Variants in AFAP1L2 observed in about 807,000 individuals in gnomAD.
AFAP1L2 encodes actin filament associated protein 1 like 2, also known as actin filament-associated protein 1-like 2.
A neutral mutation model predicts 99.3 loss-of-function variants in AFAP1L2; 46 were observed. The observed-to-expected ratio is 0.46, with a 90% confidence interval of 0.37 to 0.59. The LOEUF (loss-of-function observed/expected upper bound fraction) is 0.59, where lower values mean the gene tolerates loss of function less well. Ranked by LOEUF, AFAP1L2 falls within the 20% of genes least tolerant of loss-of-function variation. The pLI is 0.00. For missense variants in AFAP1L2, 959 were observed against 1,034.9 expected, an observed-to-expected ratio of 0.93 and a Z score of 1.01; for synonymous variants, 397 against 419.1, an observed-to-expected ratio of 0.95 and a Z score of 0.64.
intron 1 of AFAP1L2, among the ~76,000 whole-genome samples, chr10:114,404,042 G>T (rs1168995445): frequency 6.6e-6 from 1 of 152,108 alleles, no homozygotes; most frequent in East Asian, 1.9e-4. Context: ...TCAACAGCCC[G>T]ACCCTTTGCC....
chr10:114,326,044 G>C (rs1380471605), intron 4 of AFAP1L2: 3 of 1,287,880 alleles, frequency 2.3e-6, no homozygotes, highest in Non-Finnish European at 3.0e-6. Flanking sequence ...GGATTCTCTA[G>C]AGTCGAACAG....
chr10:114,290,173 AG>A (rs1453094612), downstream of AFAP1L2: 29 of 1,530,766 alleles, frequency 1.9e-5, no homozygotes, highest in Non-Finnish European at 2.5e-5. Context: ...GGGCTTACTT[AG>A]GGTAGGGGTC....
At chr10:114,320,778 T>TGGCA (rs1200548806) in intron 5 of AFAP1L2, among the ~76,000 whole-genome samples, 3 of 152,208 alleles carry the variant, frequency 2.0e-5, no homozygotes, top group Admixed American at 1.3e-4. Flanking sequence ...CTGGTGCGTC[T>TGGCA]GGCAGGCAGG....
At chr10:114,371,599 G>A (rs1339137137) in intron 1 of AFAP1L2, among the ~76,000 whole-genome samples, 2 of 152,020 alleles carry the variant, frequency 1.3e-5, no homozygotes, top group Non-Finnish European at 2.9e-5. Context: ...CTCATAAGTG[G>A]GAGTTGAACA....
At chr10:114,301,237 C>T (rs2041125359) in intron 13 of AFAP1L2, 117 bp downstream of exon 13, 1 of 821,316 alleles carries the variant, frequency 1.2e-6, no homozygotes, top group African/African-American at 1.7e-5. Context: ...TGGTAGGTGA[C>T]TCAGAACCCA....
At chr10:114,332,752 T>C (rs1370355459) in intron 3 of AFAP1L2, among the ~76,000 whole-genome samples, 2 of 152,236 alleles carry the variant, frequency 1.3e-5, no homozygotes, top group Non-Finnish European at 2.9e-5. Context: ...AGAAAACATA[T>C]GTCCTTCCCA....
chr10:114,388,716 A>C (rs1363205151), intron 1 of AFAP1L2, among the ~76,000 whole-genome samples: 1 of 152,216 alleles, frequency 6.6e-6, no homozygotes, highest in Non-Finnish European at 1.5e-5. Flanking sequence ...GGGCTAATTA[A>C]GGACATCAGC....
Position 114,313,937 on chromosome 10 carries a change from C to G in AFAP1L2, c.726G>C (p.Thr242=), listed in dbSNP as rs3813722. 5.0e-6 allele frequency: 8 copies of G among 1,613,628 alleles called. No individual in the cohort carries two copies. In the Admixed American group the frequency reaches 6.7e-5, roughly 13 times the overall value. ...VRKKEHKLKI[T]PMNADVIVLG... is the part of the protein sequence containing the mutation. ...GCACAATCACATCGGCATTCATCGG[C>G]GTGATCTTCAGCTTGTGCTCCTTCT... Residue 242 remains threonine, a synonymous_variant, in exon 7 of 19, where the codon ACG becomes ACC. Coordinates refer to ENST00000304129, the MANE Select transcript of AFAP1L2 (RefSeq NM_001001936.3).
At position 114,295,489 on chromosome 10, in the gene AFAP1L2, AGAT is replaced by A. The variant is rs2040064198; in HGVS notation, c.*550_*552del. 1.1e-5 allele frequency: 11 copies of A among 965,262 alleles called. No individual in the cohort carries two copies. Among genetic ancestry groups the A allele is most frequent in the Non-Finnish European group, 1.2e-5 (10 of 822,742 alleles). The allele number at this position is 965,262 out of a possible 1,614,324, so 59.8% of individuals were successfully genotyped here. On this transcript the variant is annotated 3_prime_UTR_variant, in exon 19 of 19. Coordinates refer to ENST00000304129, the MANE Select transcript of AFAP1L2 (RefSeq NM_001001936.3). ...AAACTCATGTCATAGATGGTTTTAC[AGAT>A]GATGGTTTTACAGATGATGTCAATG...
chr10:114,343,094 A>C (rs528499637), intron 1 of AFAP1L2, among the ~76,000 whole-genome samples: 3 of 152,368 alleles, frequency 2.0e-5, no homozygotes, highest in Non-Finnish European at 4.4e-5. Flanking sequence ...TCCACTAAAA[A>C]TCCAGGTATC....
intron 2 of AFAP1L2, among the ~76,000 whole-genome samples, chr10:114,335,439 C>T (rs1168821464): frequency 2.6e-5 from 4 of 151,898 alleles, no homozygotes; most frequent in South Asian, 2.1e-4. Context: ...GGTGAAACCC[C>T]ATCTCTACTA....
intron 1 of AFAP1L2, among the ~76,000 whole-genome samples, chr10:114,359,474 G>A (rs990716997): frequency 6.6e-6 from 1 of 152,214 alleles, no homozygotes; most frequent in African/African-American, 2.4e-5. Context: ...AACATCCACA[G>A]ACCAGTACTG....
At chr10:114,343,751 A>T (rs1446007721) in intron 1 of AFAP1L2, among the ~76,000 whole-genome samples, 1 of 152,066 alleles carries the variant, frequency 6.6e-6, no homozygotes, top group African/African-American at 2.4e-5. Flanking sequence ...CTTGACCTTA[A>T]CCAGTAGGGC....
intron 15 of AFAP1L2, among the ~76,000 whole-genome samples, 192 bp from the exon 16 acceptor site, chr10:114,299,607 A>C (rs1489213181): frequency 1.3e-5 from 2 of 152,210 alleles, no homozygotes; most frequent in East Asian, 3.9e-4. Context: ...TGTGATGGTT[A>C]ATATTGAATG....
At chr10:114,342,642 G>A (rs1035404895) in intron 1 of AFAP1L2, among the ~76,000 whole-genome samples, 1 of 152,152 alleles carries the variant, frequency 6.6e-6, no homozygotes, top group South Asian at 2.1e-4. Context: ...ATGGAGGAAG[G>A]GACCATGAGC....
chr10:114,386,212 G>A (rs949360240), intron 1 of AFAP1L2, among the ~76,000 whole-genome samples: 1 of 152,152 alleles, frequency 6.6e-6, no homozygotes, highest in African/African-American at 2.4e-5. Context: ...GAGGGGAAAT[G>A]AGGGAAATGA....
chr10:114,363,151 A>T, intron 1 of AFAP1L2: 1 of 985,434 alleles, frequency 1.0e-6, no homozygotes. Flanking sequence ...ACACATAAGC[A>T]GCAAACTGGG....
rs373877915 is a variant in AFAP1L2, at chr10:114,404,456, C to A, written c.-1G>T. 1.9e-5 allele frequency: 29 copies of A among 1,540,276 alleles called. No homozygotes were observed. In the African/African-American group the frequency reaches 4.0e-4, roughly 21 times the overall value. On this transcript the variant is annotated 5_prime_UTR_variant, in exon 1 of 19. Transcript: ENST00000304129. ...CGCCCTCACCTTTGTACCGCTCCAT[C>A]GGGGCCACGGAGTGCGCTCCTCGCG...
At chr10:114,359,128 T>G (rs570247133) in intron 1 of AFAP1L2, among the ~76,000 whole-genome samples, 3 of 152,258 alleles carry the variant, frequency 2.0e-5, no homozygotes, top group African/African-American at 7.2e-5. Flanking sequence ...CAAGAGGTAA[T>G]GTAAGAACTG....
Sources: gnomAD v4.1 joint callset for allele counts (sites outside exome capture counted in the v4.1 genomes callset) on GRCh38, gnomAD v4.1.1 for gene constraint, MANE v1.5 for transcripts, NCBI Gene and HGNC (gene_info 2026-07-23, HGNC 2026-07-21) for gene names.